Variants in BBS9 observed in about 807,000 individuals in gnomAD.
The protein encoded by BBS9 is protein PTHB1.
BBS9 carries 89 observed loss-of-function variants against 117.7 expected under a neutral mutation model. The ratio of observed to expected loss-of-function variants is 0.76; its 90% CI spans 0.64 to 0.90. The LOEUF is 0.90. BBS9 is among the 40% of genes least tolerant of loss of function. The pLI is 0.00. For missense variants in BBS9, 982 were observed against 1,042.2 expected, an observed-to-expected ratio of 0.94 and a Z score of 0.80; for synonymous variants, 379 against 370.9, an observed-to-expected ratio of 1.02 and a Z score of -0.25.
At chr7:33,141,602 G>A (rs1230824467) in intron 1 of BBS9, among the ~76,000 whole-genome samples, 4 of 152,060 alleles carry the variant, frequency 2.6e-5, no homozygotes, top group African/African-American at 7.2e-5. Context: ...GTTAGCCACC[G>A]TGCCCAGCCC....
chr7:33,515,429 C>G (rs920161737), intron 20 of BBS9, among the ~76,000 whole-genome samples: 1 of 152,150 alleles, frequency 6.6e-6, no homozygotes, highest in African/African-American at 2.4e-5. Flanking sequence ...TGCGGCATTT[C>G]TTGGGTGTGC....
chr7:33,278,698 G>C (rs891320609), intron 9 of BBS9, among the ~76,000 whole-genome samples: 2 of 152,108 alleles, frequency 1.3e-5, no homozygotes, highest in Non-Finnish European at 2.9e-5. Context: ...CCTATGGGTC[G>C]ACAGTGCCTC....
At chr7:33,365,853 A>G (rs1269773433) in intron 16 of BBS9, among the ~76,000 whole-genome samples, 1 of 152,240 alleles carries the variant, frequency 6.6e-6, no homozygotes, top group East Asian at 1.9e-4. Flanking sequence ...GCTCTGGGTT[A>G]CAGGATGGGA....
chr7:33,131,096 T>A (rs1465766727), intron 1 of BBS9, among the ~76,000 whole-genome samples: 1 of 152,260 alleles, frequency 6.6e-6, no homozygotes, highest in East Asian at 1.9e-4. Context: ...TAGTGATTAC[T>A]ATCAGTCTTT....
At chr7:33,199,053 T>C (rs956677165) in intron 5 of BBS9, among the ~76,000 whole-genome samples, 6 of 151,954 alleles carry the variant, frequency 3.9e-5, no homozygotes, top group Non-Finnish European at 8.8e-5. Flanking sequence ...TATTCTTGAA[T>C]TGATCAACAC....
At chr7:33,441,983 C>T (rs953745895) in intron 19 of BBS9, among the ~76,000 whole-genome samples, 14 of 151,876 alleles carry the variant, frequency 9.2e-5, no homozygotes, top group African/African-American at 2.7e-4. Context: ...CCTCCACCTC[C>T]TGGGTTCAAG....
At chr7:33,210,212 C>T (rs1787756171) in intron 5 of BBS9, among the ~76,000 whole-genome samples, 5 of 152,070 alleles carry the variant, frequency 3.3e-5, no homozygotes, top group Admixed American at 2.6e-4. Flanking sequence ...CAAAATTCAT[C>T]TTGTTGTTAA....
rs529324102 is a variant in BBS9 at position 33,578,366 on chromosome 7, C to G, written c.2522-26499C>G. 7.2e-5 allele frequency among the ~76,000 whole-genome samples: 11 copies of G among 152,314 alleles called. No homozygotes were observed. The South Asian group carries it at 2.3e-3, about 32-fold the overall frequency. ...GTTCTTCCCTACAAGGCAGGACACTCCCAAGTGGGATGACTTGCGATCCCA... is the reference window on the plus strand; with the variant it reads ...GTTCTTCCCTACAAGGCAGGACACTGCCAAGTGGGATGACTTGCGATCCCA... On this transcript the variant is annotated intron_variant, in intron 21 of 22. Coordinates refer to ENST00000242067, the MANE Select transcript of BBS9 (RefSeq NM_198428.3).
chr7:33,240,623 T>G (rs1387475207), intron 5 of BBS9, among the ~76,000 whole-genome samples: 1 of 152,194 alleles, frequency 6.6e-6, no homozygotes, highest in African/African-American at 2.4e-5. Context: ...AAAAGATAGT[T>G]TATTGAGTTC....
intron 16 of BBS9, 132 bp downstream of exon 16, chr7:33,358,127 A>G: frequency 9.3e-6 from 11 of 1,189,102 alleles, no homozygotes; most frequent in Non-Finnish European, 1.3e-5. Context: ...TGCCTCAAGG[A>G]TTTTTCCCTC....
intron 9 of BBS9, among the ~76,000 whole-genome samples, chr7:33,287,894 T>G (rs952738943): frequency 3.3e-5 from 5 of 152,094 alleles, no homozygotes; most frequent in African/African-American, 1.2e-4. Flanking sequence ...CTCACTTAAA[T>G]TGTTTCATAC....
chr7:33,165,103 G>T (rs1175657426), intron 4 of BBS9, among the ~76,000 whole-genome samples: 1 of 152,134 alleles, frequency 6.6e-6, no homozygotes, highest in Non-Finnish European at 1.5e-5. Context: ...AGTTTGGCTG[G>T]ATATGAGATT....
intron 10 of BBS9, among the ~76,000 whole-genome samples, chr7:33,338,349 A>G (rs6462471): frequency 0.64 from 97,131 of 151,938 alleles, 31,428 homozygotes; most frequent in Admixed American, 0.72. Context: ...AATTAATAAA[A>G]GCACAAAATT....
Position 33,264,355 on chromosome 7 carries a change from G to A in BBS9, c.683G>A (p.Gly228Asp), listed in dbSNP as rs754542801. The change falls in exon 7 of 23, where the codon GGT becomes GAT. Residue 228 changes from glycine (G) to aspartate (D), a missense_variant. By Grantham distance (94) the Gly-to-Asp change is moderately conservative. Coordinates refer to ENST00000242067, the MANE Select transcript of BBS9 (RefSeq NM_198428.3). ...KRQETEQQKL[G>D]SGKRLVVDWT... ...CAGGAGACTGAACAGCAAAAACTTG[G>A]TTCTGGAAAAAGACTAGTTGTAAGG... 3.2e-6 allele frequency: 5 copies of A among 1,581,176 alleles called. No homozygotes were observed. Among genetic ancestry groups the A allele is most frequent in the Non-Finnish European group, 4.3e-6 (5 of 1,162,886 alleles).
chr7:33,605,103 A>G (rs1475470510), intron 22 of BBS9, 92 bp from the exon 23 acceptor site: 1 of 1,464,286 alleles, frequency 6.8e-7, no homozygotes, highest in African/African-American at 1.5e-5. Flanking sequence ...TCTTCCCCTT[A>G]GCACTGGTGC....
intron 21 of BBS9, among the ~76,000 whole-genome samples, chr7:33,555,235 C>T (rs1855111682): frequency 6.6e-6 from 1 of 152,172 alleles, no homozygotes; most frequent in South Asian, 2.1e-4. Flanking sequence ...AAACAAGCTT[C>T]TTGTTTTAGG....
chr7:33,216,821 C>T (rs377585347), intron 5 of BBS9, among the ~76,000 whole-genome samples: 14 of 152,106 alleles, frequency 9.2e-5, no homozygotes, highest in Non-Finnish European at 1.3e-4. Flanking sequence ...ACCAGCCGGG[C>T]GTGGTGGCTC....
chr7:33,448,247 C>T (rs1345294011), intron 19 of BBS9, among the ~76,000 whole-genome samples: 3 of 152,052 alleles, frequency 2.0e-5, no homozygotes, highest in Non-Finnish European at 4.4e-5. Context: ...TAGAAATTGC[C>T]CCAGTTCAGG....
intron 2 of BBS9, among the ~76,000 whole-genome samples, chr7:33,150,759 A>G (rs1483519953): frequency 7.9e-5 from 12 of 152,312 alleles, no homozygotes; most frequent in Non-Finnish European, 1.0e-4. Context: ...GTAGGTGGCT[A>G]TGAGTGTCAC....
Sources: gnomAD v4.1 joint callset for allele counts (sites outside exome capture counted in the v4.1 genomes callset) on GRCh38, gnomAD v4.1.1 for gene constraint, MANE v1.5 for transcripts, NCBI Gene and HGNC (gene_info 2026-07-23, HGNC 2026-07-21) for gene names.